SLC9A9: variants seen among roughly 807,000 people sequenced by gnomAD.
SLC9A9 encodes solute carrier family 9 member A9.
Under a neutral mutation model 77.8 loss-of-function variants are expected in SLC9A9, and 62 were observed. That is an observed-to-expected ratio of 0.80 (90% CI 0.65 to 0.98). The LOEUF (loss-of-function observed/expected upper bound fraction) is 0.98. Among genes scored for constraint, SLC9A9 ranks in the 50% least tolerant of loss-of-function variants. The pLI is 0.00. For synonymous variants in SLC9A9, 320 were observed against 283.5 expected (o/e 1.13, Z -1.29); for missense variants, 775 against 774.9 (o/e 1.00, Z 0.00).
chr3:143,396,528 C>A (rs967881282), intron 12 of SLC9A9, among the ~76,000 whole-genome samples: 16 of 152,050 alleles, frequency 1.1e-4, no homozygotes, highest in African/African-American at 3.9e-4. Flanking sequence ...ACCAACGTGG[C>A]ACATGTATAC....
Position 143,267,934 on chromosome 3 carries a change from C to T in SLC9A9, c.1710+941G>A, listed in dbSNP as rs1386461764. Among the ~76,000 whole-genome samples, 6 of 152,202 alleles carry T rather than the reference C, an allele frequency of 3.9e-5. No individual in the cohort carries two copies. The East Asian group carries it at 1.2e-3, about 29-fold the overall frequency. On this transcript the variant is annotated intron_variant, in intron 15 of 15. Coordinates refer to ENST00000316549, the MANE Select transcript of SLC9A9 (RefSeq NM_173653.4). ...TTCCAACTTTCGCCTGTCCCAGGATCACATGGAGGGCTTGTTAAAATACAG... is the reference window on the plus strand; with the variant it reads ...TTCCAACTTTCGCCTGTCCCAGGATTACATGGAGGGCTTGTTAAAATACAG...
chr3:143,596,735 T>G (rs2037759382), intron 6 of SLC9A9, among the ~76,000 whole-genome samples: 1 of 152,196 alleles, frequency 6.6e-6, no homozygotes, highest in Admixed American at 6.5e-5. Context: ...TGAATATGGC[T>G]AACTATAGCC....
rs146361938 is a variant in SLC9A9, at chr3:143,657,285, A to G, written c.650-4925T>C. ...TTCTAAATTTTAAGTTACACAAAAC[A>G]TCATGAGGAATTTAGCCCTAAAACT... On this transcript the variant is annotated intron_variant, in intron 5 of 15. Coordinates refer to ENST00000316549, the MANE Select transcript of SLC9A9 (RefSeq NM_173653.4). Among the ~76,000 whole-genome samples the G allele has an allele frequency of 2.8e-4, 43 of 152,372 alleles. 1 individual carries two copies. In the Middle Eastern group the frequency reaches 0.01, roughly 36 times the overall value.
intron 14 of SLC9A9, among the ~76,000 whole-genome samples, chr3:143,310,036 G>A (rs965101589): frequency 5.9e-5 from 9 of 152,222 alleles, no homozygotes; most frequent in Admixed American, 3.3e-4. Flanking sequence ...AACTGGCTCA[G>A]GACCAGCCAA....
Position 143,780,912 on chromosome 3 carries a change from T to A in SLC9A9, c.533+14089A>T, listed in dbSNP as rs577782768. 1.2e-4 allele frequency among the ~76,000 whole-genome samples: 18 copies of A among 152,376 alleles called. No homozygotes were observed. The South Asian group carries it at 1.4e-3, about 12-fold the overall frequency. On this transcript the variant is annotated intron_variant, in intron 4 of 15. Coordinates refer to ENST00000316549, the MANE Select transcript of SLC9A9 (RefSeq NM_173653.4). ...AATTTATAACATAAATATTCTTTTT[T>A]AAATTAACATACTTTATATTTTTTA...
intron 9 of SLC9A9, among the ~76,000 whole-genome samples, chr3:143,551,416 T>C (rs913745794): frequency 1.4e-4 from 21 of 152,358 alleles, no homozygotes; most frequent in African/African-American, 4.8e-4. Context: ...CCACTTGCTT[T>C]AGCCTTGCCC....
At chr3:143,493,822 C>A (rs2035789966) in intron 10 of SLC9A9, 58 bp from the exon 11 acceptor site, 2 of 1,264,504 alleles carry the variant, frequency 1.6e-6, no homozygotes, top group African/African-American at 1.5e-5. Flanking sequence ...TGGTTTGAAT[C>A]CTTGAGCTTA....
chr3:143,566,892 A>T (rs905239812), intron 8 of SLC9A9, among the ~76,000 whole-genome samples: 2 of 152,122 alleles, frequency 1.3e-5, no homozygotes, highest in Non-Finnish European at 2.9e-5. Context: ...ATAAAAATGA[A>T]TTTTCAAACA....
intron 14 of SLC9A9, among the ~76,000 whole-genome samples, chr3:143,283,534 C>G (rs772186904): frequency 2.6e-5 from 4 of 152,248 alleles, no homozygotes; most frequent in Non-Finnish European, 4.4e-5. Flanking sequence ...TCACAGATAA[C>G]TGGCTCCTCA....
At chr3:143,315,709 C>A (rs111919818) in intron 14 of SLC9A9, among the ~76,000 whole-genome samples, 3 of 152,298 alleles carry the variant, frequency 2.0e-5, no homozygotes, top group East Asian at 1.9e-4. Context: ...GAGGCTGTAC[C>A]AATTTTAGGT....
At chr3:143,590,800 A>C (rs114088251) in intron 6 of SLC9A9, among the ~76,000 whole-genome samples, 2,211 of 152,308 alleles carry the variant, frequency 0.015, 52 homozygotes, top group African/African-American at 0.052. Context: ...AGGAAAAAAA[A>C]CCATGAAAAC....
chr3:143,368,364 G>T (rs941898191), intron 13 of SLC9A9, among the ~76,000 whole-genome samples: 1 of 152,158 alleles, frequency 6.6e-6, no homozygotes. Context: ...AGCAAGAAGG[G>T]ATTGTTTATT....
intron 6 of SLC9A9, among the ~76,000 whole-genome samples, chr3:143,651,075 C>T (rs916190807): frequency 2.0e-5 from 3 of 152,154 alleles, no homozygotes; most frequent in African/African-American, 4.8e-5. Context: ...AGGAACTCAG[C>T]AGATTTTTAA....
intron 1 of SLC9A9, among the ~76,000 whole-genome samples, chr3:143,844,761 CTTT>C (rs2009793649): frequency 2.0e-5 from 3 of 147,264 alleles, no homozygotes; most frequent in African/African-American, 7.6e-5. Context: ...TTCTTTCTTT[CTTT>C]CTTTCTTTCT....
At chr3:143,456,567 T>C (rs1390448291) in intron 12 of SLC9A9, among the ~76,000 whole-genome samples, 1 of 136,886 alleles carries the variant, frequency 7.3e-6, no homozygotes, top group Non-Finnish European at 1.5e-5. Context: ...TTTCTTTCTT[T>C]CTTTTTTTTT....
chr3:143,699,417 T>A (rs559797931), intron 4 of SLC9A9, among the ~76,000 whole-genome samples: 1 of 152,298 alleles, frequency 6.6e-6, no homozygotes, highest in South Asian at 2.1e-4. Context: ...AAAGAGGTAC[T>A]GAGGAGGGTA....
At chr3:143,286,724 A>G (rs1404324101) in intron 14 of SLC9A9, among the ~76,000 whole-genome samples, 4 of 152,156 alleles carry the variant, frequency 2.6e-5, no homozygotes, top group Admixed American at 6.5e-5. Context: ...GAAAGCAATC[A>G]CACCAGATTT....
At chr3:143,341,984 C>T (rs376495703) in intron 14 of SLC9A9, among the ~76,000 whole-genome samples, 15 of 152,076 alleles carry the variant, frequency 9.9e-5, no homozygotes, top group East Asian at 5.8e-4. Flanking sequence ...TCATTGATTC[C>T]GGGTGAAACT....
intron 12 of SLC9A9, among the ~76,000 whole-genome samples, chr3:143,436,528 T>C (rs1280314137): frequency 6.6e-6 from 1 of 152,184 alleles, no homozygotes; most frequent in African/African-American, 2.4e-5. Flanking sequence ...TCCAATTTGG[T>C]CAGATGATTT....
Sources: allele counts gnomAD v4.1 joint callset (sites outside exome capture counted in the v4.1 genomes callset), GRCh38; gene constraint gnomAD v4.1.1; transcripts MANE v1.5; gene names NCBI Gene and HGNC (gene_info 2026-07-23, HGNC 2026-07-21).